Variants in FAT2 observed in about 807,000 individuals in gnomAD.
The protein encoded by FAT2 is protocadherin Fat 2.
In FAT2, 150 loss-of-function variants were observed where a neutral mutation model predicts 295.3. That is an observed-to-expected ratio of 0.51 (90% confidence interval 0.44 to 0.58). The LOEUF (loss-of-function observed/expected upper bound fraction) is 0.58. Ranked by LOEUF, FAT2 falls within the 20% of genes least tolerant of loss-of-function variation. The pLI, the probability that FAT2 is intolerant of heterozygous loss-of-function variation, is 0.00. For missense variants in FAT2, 4,868 were observed against 5,442.7 expected, an observed-to-expected ratio of 0.89 and a Z score of 3.32; for synonymous variants, 2,026 against 2,150.3, an observed-to-expected ratio of 0.94 and a Z score of 1.60.
rs140021841 is a variant in FAT2 at position 151,555,962 on chromosome 5, G to T, written c.3633+382C>A. ...TCCTAGAAAGAGCACAGATCTAGAA[G>T]ACAAAGGTCTGGTTTTCATCCTGGC... On this transcript the variant is annotated intron_variant, in intron 4 of 23. Transcript: ENST00000261800. Among the ~76,000 whole-genome samples the T allele has an allele frequency of 5.6e-3, 849 of 152,292 alleles. 3 individuals carry two copies. Among genetic ancestry groups the T allele is most frequent in the Middle Eastern group, 0.01 (3 of 294 alleles).
chr5:151,533,586 G>A (rs1206259120), intron 13 of FAT2, among the ~76,000 whole-genome samples: 1 of 152,106 alleles, frequency 6.6e-6, no homozygotes, highest in Admixed American at 6.5e-5. Context: ...GTGTCAAACA[G>A]AGCAGGGTGT....
chr5:151,507,590 A>C lies in FAT2; in HGVS notation c.12081T>G (p.Gly4027=). Residue 4027 remains glycine, a synonymous_variant, in exon 23 of 24, where the codon GGT becomes GGG. Coordinates refer to ENST00000261800, the MANE Select transcript of FAT2 (RefSeq NM_001447.3). The stretch of plus-strand genomic sequence containing the variant: ...TGACTAGGCAGTGTCCTTCTGAACA[A>C]CCCCTCGCCTCCATTTCACACCTGC... The part of the protein sequence containing the change: ...TGDRCEMEAR[G]CSEGHCLVTP... The C allele has an allele frequency of 6.2e-7, 1 of 1,607,186 alleles. No homozygotes were observed. The highest frequency in any genetic ancestry group is 8.5e-7 in the Non-Finnish European group (1 of 1,178,036).
intron 1 of FAT2, among the ~76,000 whole-genome samples, chr5:151,570,429 A>G (rs962968525): frequency 2.0e-5 from 3 of 152,252 alleles, no homozygotes; most frequent in African/African-American, 7.2e-5. Flanking sequence ...CAAGTCACAC[A>G]GTGTGTGGCC....
intron 11 of FAT2, 102 bp from the exon 12 acceptor site, chr5:151,538,048 A>C: frequency 1.0e-6 from 1 of 993,688 alleles, no homozygotes; most frequent in Non-Finnish European, 1.5e-6. Context: ...AGAAAGAGAG[A>C]CACTAAGAGG....
intron 11 of FAT2, among the ~76,000 whole-genome samples, chr5:151,538,356 T>C (rs1055691954): frequency 6.6e-6 from 1 of 152,150 alleles, no homozygotes; most frequent in South Asian, 2.1e-4. Context: ...TTCTGGAAGG[T>C]GTCAGGTCAA....
chr5:151,534,889 T>C (rs1253981711), intron 12 of FAT2, among the ~76,000 whole-genome samples: 1 of 150,932 alleles, frequency 6.6e-6, no homozygotes, highest in Non-Finnish European at 1.5e-5. Context: ...AAAATAGGTA[T>C]ATTCTTAATG....
rs2127583841 is a variant in FAT2 at position 151,525,755 on chromosome 5, G to A, written c.10506+13C>T. On this transcript the variant is annotated intron_variant, in intron 18 of 23. Coordinates refer to ENST00000261800, the MANE Select transcript of FAT2 (RefSeq NM_001447.3). The stretch of plus-strand genomic sequence containing the variant: ...CCCCATGGTCACCACCAGAAGCCTA[G>A]CACAGCTCTCACCTGGATCTGAAGC... 6.2e-7 allele frequency: 1 copy of A among 1,613,960 alleles called. No homozygotes were observed.
At chr5:151,585,260 G>A (rs889577389) in intron 1 of FAT2, among the ~76,000 whole-genome samples, 1 of 152,192 alleles carries the variant, frequency 6.6e-6, no homozygotes, top group Non-Finnish European at 1.5e-5. Context: ...GATCTCAGGG[G>A]GCTGGGAATG....
In FAT2 at chr5:151,537,917, A is replaced by G; in HGVS notation, c.9069T>C (p.Asp3023=). The part of the protein sequence containing the change: ...QLLYTGKVHE[D]VFPGHFILKV... ...TCAAAATGAAGTGTCCTGGAAATAC[A>G]TCTTCATGAACCTTGCCAGTATAGA... Residue 3023 remains aspartate, a synonymous_variant, in exon 12 of 24, where the codon GAT becomes GAC. Transcript: ENST00000261800. 1.2e-6 allele frequency: 2 copies of G among 1,614,168 alleles called. No individual in the cohort carries two copies. Among genetic ancestry groups the G allele is most frequent in the Middle Eastern group, 1.6e-4 (1 of 6,062 alleles).
chr5:151,537,830 G>T lies in FAT2; in HGVS notation c.9156C>A (p.Gly3052=). 1 of 1,614,034 alleles carries T rather than the reference G, an allele frequency of 6.2e-7. No individual in the cohort carries two copies. Among genetic ancestry groups the T allele is most frequent in the Non-Finnish European group, 8.5e-7 (1 of 1,179,924 alleles). ...TNAQITYSLH[G]PGAHEFKLDP... ...CCAGCTTGAATTCATGCGCCCCAGG[G>T]CCATGCAGAGAATATGTGATCTGAG... Residue 3052 remains glycine (G), a synonymous_variant, in exon 12 of 24, where the codon GGC becomes GGA. Transcript: ENST00000261800.
Position 151,544,049 on chromosome 5 carries a change from T to G in FAT2, c.7078A>C (p.Thr2360Pro), listed in dbSNP as rs757536936. 2 of 1,614,058 alleles carry G rather than the reference T, an allele frequency of 1.2e-6. No homozygotes were observed. The highest frequency in any genetic ancestry group is 4.5e-5 in the East Asian group (2 of 44,900). ...RAMDKGDPPLTGETLVVVNVS... is the reference protein window; with the variant it reads ...RAMDKGDPPLPGETLVVVNVS... ...TTGACAACCACAAGGGTTTCACCAG[T>G]GAGTGGGGGATCTCCTTTATCCATG... The change falls in exon 10 of 24, where the codon ACT becomes CCT. Residue 2360 changes from threonine to proline, a missense_variant. This residue lies in a region of FAT2 where 3,297 missense variants were observed against 3,669.4 expected (regional missense o/e 0.90). Coordinates refer to ENST00000261800, the MANE Select transcript of FAT2 (RefSeq NM_001447.3).
upstream of FAT2, among the ~76,000 whole-genome samples, chr5:151,592,178 C>T (rs1204546422): frequency 3.9e-5 from 6 of 152,176 alleles, no homozygotes; most frequent in Non-Finnish European, 8.8e-5. Flanking sequence ...CCATTACGCA[C>T]CCTGTGTTGA....
rs2127610074 is a variant in FAT2 at position 151,544,551 on chromosome 5, G to A, written c.6576C>T (p.His2192=). The A allele has an allele frequency of 6.2e-7, 1 of 1,614,070 alleles. No individual in the cohort carries two copies. The highest frequency in any genetic ancestry group is 8.5e-7 in the Non-Finnish European group (1 of 1,179,956). ...GTCCCTCTGGACTCCGGGCCTGGGT[G>A]TGGAGAATTGGGGTATAGAGGGTGA... is the stretch of plus-strand genomic sequence containing the variant. ...ENITLYTPIL[H]TQARSPEGLR... The change falls in exon 10 of 24, where the codon CAC becomes CAT. Residue 2192 remains histidine (H), a synonymous_variant. Coordinates refer to ENST00000261800, the MANE Select transcript of FAT2 (RefSeq NM_001447.3).
At chr5:151,560,817 G>C (rs569040753) in intron 3 of FAT2, among the ~76,000 whole-genome samples, 7 of 152,336 alleles carry the variant, frequency 4.6e-5, no homozygotes, top group Admixed American at 2.0e-4. Context: ...TGCTGAGTAC[G>C]TGAATGAATC....
chr5:151,563,716 C>T (rs749347002), intron 2 of FAT2, 77 bp from the exon 3 acceptor site: 7 of 1,180,624 alleles, frequency 5.9e-6, no homozygotes, highest in Admixed American at 2.1e-5. Flanking sequence ...ACCCACCATT[C>T]CCCAAACCGC....
At chr5:151,591,946 G>A (rs1759427263), upstream of FAT2, among the ~76,000 whole-genome samples, 1 of 152,166 alleles carries the variant, frequency 6.6e-6, no homozygotes, top group South Asian at 2.1e-4. Flanking sequence ...ATTGTTTTCA[G>A]CTGTGACTTC....
intron 1 of FAT2, among the ~76,000 whole-genome samples, chr5:151,582,837 T>C (rs6866300): frequency 0.017 from 2,567 of 152,298 alleles, 65 homozygotes; most frequent in African/African-American, 0.057. Context: ...ATTTCCTCTG[T>C]AGGTGGTCTG....
chr5:151,553,424 C>A (rs2127628210), intron 5 of FAT2, 37 bp from the exon 6 acceptor site: 1 of 1,591,572 alleles, frequency 6.3e-7, no homozygotes, highest in Non-Finnish European at 8.6e-7. Context: ...AGGTTTGGGG[C>A]CAAGAGACAG....
Position 151,545,198 on chromosome 5 carries a change from C to G in FAT2, c.5929G>C (p.Val1977Leu). The G allele has an allele frequency of 1.2e-6, 2 of 1,614,210 alleles. No homozygotes were observed. The highest frequency in any genetic ancestry group is 8.5e-7 in the Non-Finnish European group (1 of 1,180,036). The change falls in exon 10 of 24, where the codon GTG becomes CTG. Residue 1977 changes from valine to leucine, a missense_variant. By Grantham distance (32) the Val-to-Leu change is conservative. Transcript: ENST00000261800. ...TTTCTGTCCTGCAAGTTCTCCTTCA[C>G]AGCTGCCCAGTAGACATCCTGATCA... Reference protein sequence around the residue: ...QFDQDVYWAAVKENLQDRKAL... With the variant: ...QFDQDVYWAALKENLQDRKAL...
Sources: gnomAD v4.1 joint callset for allele counts (sites outside exome capture counted in the v4.1 genomes callset) on GRCh38, gnomAD v4.1.1 for gene constraint, gnomAD v4.1.1 regional missense constraint, MANE v1.5 for transcripts, NCBI Gene and HGNC (gene_info 2026-07-23, HGNC 2026-07-21) for gene names.